The following NET1 variants were observed in gnomAD, a reference collection of about 807,000 sequenced individuals.
NET1 encodes neuroepithelial cell transforming 1, also known as neuroepithelial cell-transforming gene 1 protein.
In NET1, 42 loss-of-function variants were observed where a neutral mutation model predicts 61.1. The observed-to-expected ratio is 0.69, with a 90% CI of 0.54 to 0.89. The LOEUF (loss-of-function observed/expected upper bound fraction) is 0.89. Among genes scored for constraint, NET1 ranks in the 40% least tolerant of loss-of-function variants. The pLI is 0.00. For missense variants in NET1, 654 were observed against 747.3 expected, an observed-to-expected ratio of 0.88 and a Z score of 1.46; for synonymous variants, 254 against 281.8, an observed-to-expected ratio of 0.90 and a Z score of 0.99.
chr10:5,456,692 C>T lies in NET1; in HGVS notation c.1489C>T (p.Arg497Ter). Residue 497 changes from arginine to a stop codon, truncating the protein, a stop_gained, in exon 12 of 12, where the codon CGA (arginine) becomes TGA (stop). Transcript: ENST00000355029. LOFTEE classifies it low-confidence loss of function (END_TRUNC). The surrounding 1 kb of genome is among the most constrained non-coding windows in gnomAD (Gnocchi z 7.0). ...FHKQQWFNCI[R>*]AAIAPFQSAG... ...CAAGCAGCAGTGGTTCAACTGTATT[C>T]GAGCGGCCATTGCCCCCTTCCAGTC... The T allele has an allele frequency of 1.9e-6, 3 of 1,614,018 alleles. No homozygotes were observed. The highest frequency in any genetic ancestry group is 1.1e-5 in the South Asian group (1 of 91,070).
At chr10:5,433,428 T>A (rs1340052626) in intron 3 of NET1, among the ~76,000 whole-genome samples, 1 of 152,162 alleles carries the variant, frequency 6.6e-6, no homozygotes, top group Non-Finnish European at 1.5e-5. Flanking sequence ...AAGCCAAAAG[T>A]ATTGACTCTC....
Position 5,424,879 on chromosome 10 carries a change from G to A in NET1, c.129-1776G>A, listed in dbSNP as rs1462313493. On this transcript the variant is annotated intron_variant, in intron 1 of 11. Transcript: ENST00000355029. The surrounding 1 kb of genome is among the most constrained non-coding windows in gnomAD (Gnocchi z 6.1). ...CTCTCTAATCTTGTTACTGCTGCCA[G>A]AGCCCCAGTCATCTTTTGTAAGCAA... Among the ~76,000 whole-genome samples, 1 of 152,130 alleles carries A rather than the reference G, an allele frequency of 6.6e-6. No homozygotes were observed.
At chr10:5,430,638 G>A (rs1179374553) in intron 3 of NET1, among the ~76,000 whole-genome samples, 1 of 152,056 alleles carries the variant, frequency 6.6e-6, no homozygotes, top group Admixed American at 6.5e-5. Flanking sequence ...TTACAGGTGT[G>A]AGTCACCATG....
At position 5,451,977 on chromosome 10, in the gene NET1, TTATAGAAGCC is replaced by T. The variant is rs1832713324; in HGVS notation, c.363+42_363+51del. The T allele has an allele frequency of 2.1e-6, 3 of 1,460,754 alleles. No homozygotes were observed. The African/African-American group carries it at 4.2e-5, about 20-fold the overall frequency. The allele number at this position is 1,460,754 out of a possible 1,614,324, so 90.5% of individuals were successfully genotyped here. On this transcript the variant is annotated intron_variant, in intron 4 of 11. Transcript: ENST00000355029. The surrounding 1 kb of genome is among the most constrained non-coding windows in gnomAD (Gnocchi z 6.1). The stretch of plus-strand genomic sequence containing the variant: ...GGAAGAGTAATGTAGTCAGCGGACT[TTATAGAAGCC>T]TGGAATTTGTAGTTGTCTTTGAGCT...
At position 5,423,616 on chromosome 10, in the gene NET1, A is replaced by G. The variant is rs891066969; in HGVS notation, c.129-3039A>G. ...ATATATAGAAAAATACATTGGATAT[A>G]TGGACAAAAATTCTTGAAAAGGTGG... On this transcript the variant is annotated intron_variant, in intron 1 of 11. Coordinates refer to ENST00000355029, the MANE Select transcript of NET1 (RefSeq NM_001047160.3). This position sits in a 1 kb window ranked among gnomAD's most constrained non-coding sequence, Gnocchi z 4.4. Among the ~76,000 whole-genome samples the G allele has an allele frequency of 2.0e-5, 3 of 152,210 alleles. No homozygotes were observed. Among genetic ancestry groups the G allele is most frequent in the Non-Finnish European group, 2.9e-5 (2 of 68,016 alleles).
Position 5,443,529 on chromosome 10 carries a change from A to G in NET1, c.256-8301A>G, listed in dbSNP as rs904538031. Among the ~76,000 whole-genome samples, 8 of 152,186 alleles carry G rather than the reference A, an allele frequency of 5.3e-5. No homozygotes were observed. Among genetic ancestry groups the G allele is most frequent in the Non-Finnish European group, 1.0e-4 (7 of 68,034 alleles). On this transcript the variant is annotated intron_variant, in intron 3 of 11. Coordinates refer to ENST00000355029, the MANE Select transcript of NET1 (RefSeq NM_001047160.3). This position sits in a 1 kb window ranked among gnomAD's most constrained non-coding sequence, Gnocchi z 4.8. ...GTGAATGATCTCAGAGGGCCTGTTTAGTCCTCTGGTTTTATGCAGCATTGT... is the reference window on the plus strand; with the variant it reads ...GTGAATGATCTCAGAGGGCCTGTTTGGTCCTCTGGTTTTATGCAGCATTGT...
chr10:5,414,103 GA>G (rs1470325627), intron 1 of NET1, among the ~76,000 whole-genome samples: 2 of 152,120 alleles, frequency 1.3e-5, no homozygotes, highest in Non-Finnish European at 2.9e-5. Context: ...TGAAGCAAAT[GA>G]GTCTGATGAG....
chr10:5,426,666 G>C lies in NET1; in HGVS notation c.140G>C (p.Arg47Pro), dbSNP rs374584284. The stretch of plus-strand genomic sequence containing the variant: ...TTTTCCATTAATAGATGTTCCCTTC[G>C]GAGAGGCAGCTCCTTCACATTCTTA... ...GSELDGRCSL[R>P]RGSSFTFLTP... The change falls in exon 2 of 12, where the codon CGG becomes CCG. Residue 47 changes from arginine (R) to proline (P), a missense_variant. Coordinates refer to ENST00000355029, the MANE Select transcript of NET1 (RefSeq NM_001047160.3). This position sits in a 1 kb window ranked among gnomAD's most constrained non-coding sequence, Gnocchi z 4.6. 3.1e-6 allele frequency: 5 copies of C among 1,605,680 alleles called. No individual in the cohort carries two copies. Among genetic ancestry groups the C allele is most frequent in the Non-Finnish European group, 4.3e-6 (5 of 1,176,112 alleles).
In NET1 at chr10:5,446,772, G is replaced by T; in HGVS notation, c.256-5058G>T. The T allele has an allele frequency of 6.2e-7, 1 of 1,601,846 alleles. No homozygotes were observed. The highest frequency in any genetic ancestry group is 1.1e-5 in the South Asian group (1 of 88,538). On this transcript the variant is annotated intron_variant, in intron 3 of 11. Coordinates refer to ENST00000355029, the MANE Select transcript of NET1 (RefSeq NM_001047160.3). This position sits in a 1 kb window ranked among gnomAD's most constrained non-coding sequence, Gnocchi z 5.0. ...GAGGGAGTACTTGGGAAGCATGGTG[G>T]CACATGATGAGACTGGAGGTCTCCT...
chr10:5,457,635 T>C lies in NET1; in HGVS notation c.*641T>C, dbSNP rs1200852751. 1 of 152,542 alleles carries C rather than the reference T, an allele frequency of 6.6e-6. No homozygotes were observed. The highest frequency in any genetic ancestry group is 1.9e-4 in the East Asian group (1 of 5,200). 9.4% of individuals were successfully genotyped at this position (152,542 alleles called of 1,614,324 possible). On this transcript the variant is annotated 3_prime_UTR_variant, in exon 12 of 12. Transcript: ENST00000355029. This position sits in a 1 kb window ranked among gnomAD's most constrained non-coding sequence, Gnocchi z 5.4. The stretch of plus-strand genomic sequence containing the variant: ...GTAAAGTAGTTTTTAGCATTTGCTT[T>C]TATTTTTTTACTTTGATGCCTTTTC...
chr10:5,430,446 C>T (rs570717432), intron 3 of NET1, among the ~76,000 whole-genome samples: 2 of 150,618 alleles, frequency 1.3e-5, no homozygotes, highest in Admixed American at 1.3e-4. Context: ...GCGATCTCGG[C>T]CCCCTGCAAC....
At position 5,423,276 on chromosome 10, in the gene NET1, G is replaced by A. The variant is rs1293493731; in HGVS notation, c.129-3379G>A. ...TTTTTGAAAATATTTATAATTTCAG[G>A]TCAGGTCTTATCTGGCATGATGGAG... On this transcript the variant is annotated intron_variant, in intron 1 of 11. Transcript: ENST00000355029. The surrounding 1 kb of genome is among the most constrained non-coding windows in gnomAD (Gnocchi z 4.4). Among the ~76,000 whole-genome samples the A allele has an allele frequency of 2.0e-5, 3 of 152,032 alleles. No individual in the cohort carries two copies. Among genetic ancestry groups the A allele is most frequent in the African/African-American group, 7.2e-5 (3 of 41,400 alleles).
At chr10:5,425,107 C>T (rs1423321595) in intron 1 of NET1, among the ~76,000 whole-genome samples, 2 of 152,204 alleles carry the variant, frequency 1.3e-5, no homozygotes, top group African/African-American at 4.8e-5. Flanking sequence ...CAGAATGTAA[C>T]TCATTTCACT....
intron 3 of NET1, among the ~76,000 whole-genome samples, chr10:5,450,529 T>C (rs1832687530): frequency 1.3e-5 from 2 of 152,134 alleles, no homozygotes; most frequent in Non-Finnish European, 2.9e-5. Flanking sequence ...CCTTCCTTTT[T>C]ATATTACTTT....
In NET1 at chr10:5,452,381, C is replaced by G; in HGVS notation, c.387C>G (p.His129Gln). The G allele has an allele frequency of 1.9e-6, 3 of 1,612,574 alleles. No individual in the cohort carries two copies. Among genetic ancestry groups the G allele is most frequent in the Non-Finnish European group, 2.5e-6 (3 of 1,179,106 alleles). ...AGTCATTTACCCTTCGTGGTGACCA[C>G]AGATCCCCAGCCTCTGCCCAGAAGT... ...TIQSFTLRGD[H>Q]RSPASAQKFS... The change falls in exon 5 of 12, where the codon CAC (histidine) becomes CAG (glutamine). Residue 129 changes from histidine (H) to glutamine (Q), a missense_variant. Coordinates refer to ENST00000355029, the MANE Select transcript of NET1 (RefSeq NM_001047160.3). This position sits in a 1 kb window ranked among gnomAD's most constrained non-coding sequence, Gnocchi z 4.0.
At chr10:5,450,061 G>A (rs1296263687) in intron 3 of NET1, among the ~76,000 whole-genome samples, 2 of 107,918 alleles carry the variant, frequency 1.9e-5, no homozygotes, top group Non-Finnish European at 4.8e-5. Flanking sequence ...CTGCACACGC[G>A]TGTGTCAGTC....
In NET1 at chr10:5,453,164, G is replaced by T; in HGVS notation, c.595-86G>T. ...AAACAGAATCCACGCTAGCTTTTAT[G>T]TAATTAATTCTCTTTGTTTCCAAGT... On this transcript the variant is annotated intron_variant, in intron 6 of 11. Transcript: ENST00000355029. The surrounding 1 kb of genome is among the most constrained non-coding windows in gnomAD (Gnocchi z 4.9). The T allele has an allele frequency of 2.4e-6, 2 of 848,306 alleles. No homozygotes were observed. Among genetic ancestry groups the T allele is most frequent in the Non-Finnish European group, 4.0e-6 (2 of 497,372 alleles). 52.5% of individuals were successfully genotyped at this position (848,306 alleles called of 1,614,324 possible).
At position 5,451,766 on chromosome 10, in the gene NET1, C is replaced by T. The variant is rs763502901; in HGVS notation, c.256-64C>T. 3.8e-6 allele frequency: 5 copies of T among 1,330,290 alleles called. No homozygotes were observed. Among genetic ancestry groups the T allele is most frequent in the Non-Finnish European group, 5.3e-6 (5 of 943,410 alleles). 82.4% of individuals were successfully genotyped at this position (1,330,290 alleles called of 1,614,324 possible). ...GTTTTGTGAGAGGGCTTTACTTTGT[C>T]CAAGTTTGTATGAAATCATTGCACC... On this transcript the variant is annotated intron_variant, in intron 3 of 11. Transcript: ENST00000355029. The surrounding 1 kb of genome is among the most constrained non-coding windows in gnomAD (Gnocchi z 6.1).
intron 1 of NET1, among the ~76,000 whole-genome samples, chr10:5,419,559 A>G (rs1257400537): frequency 6.6e-6 from 1 of 151,976 alleles, no homozygotes; most frequent in Non-Finnish European, 1.5e-5. Context: ...TTTTTCATTG[A>G]CACTGCTTTT....
Sources: gnomAD v4.1 joint callset for allele counts (sites outside exome capture counted in the v4.1 genomes callset) on GRCh38, gnomAD v4.1.1 for gene constraint, Gnocchi (gnomAD v3.1) non-coding constraint, MANE v1.5 for transcripts, NCBI Gene and HGNC (gene_info 2026-07-23, HGNC 2026-07-21) for gene names.